PKIB: variants seen among roughly 807,000 people sequenced by gnomAD.
The protein encoded by PKIB is PKI-beta.
Under a neutral mutation model 4.5 loss-of-function variants are expected in PKIB, and 2 were observed. That is an observed-to-expected ratio of 0.44 (90% confidence interval 0.18 to 1.39). The LOEUF is 1.39. Ranked by LOEUF, PKIB falls within the 40% of genes most tolerant of loss-of-function variation. The pLI is 0.27. For synonymous variants in PKIB, 38 were observed against 36.0 expected (o/e 1.06, Z -0.20); for missense variants, 94 against 92.6 (o/e 1.02, Z -0.06).
intron 2 of PKIB, among the ~76,000 whole-genome samples, chr6:122,662,875 A>AGCT (rs1338531391): frequency 6.6e-6 from 1 of 152,218 alleles, no homozygotes; most frequent in Non-Finnish European, 1.5e-5. Flanking sequence ...GTCTGATTCT[A>AGCT]GCTGCTGTTT....
intron 1 of PKIB, among the ~76,000 whole-genome samples, chr6:122,630,687 A>AT (rs1198990894): frequency 1.3e-5 from 2 of 152,206 alleles, no homozygotes; most frequent in African/African-American, 4.8e-5. Context: ...TTTAACTATA[A>AT]TTTTTAAAAA....
upstream of PKIB, among the ~76,000 whole-genome samples, chr6:122,608,168 TG>T (rs1436200654): frequency 2.0e-5 from 3 of 152,350 alleles, no homozygotes; most frequent in Middle Eastern, 3.4e-3. Context: ...CTCTCTCATT[TG>T]ATGTGGATTT....
intron 2 of PKIB, among the ~76,000 whole-genome samples, chr6:122,506,590 T>C (rs1420478630): frequency 2.0e-5 from 3 of 152,156 alleles, no homozygotes; most frequent in Non-Finnish European, 4.4e-5. Flanking sequence ...GTCATGTATT[T>C]ATTATTTTGA....
intron 3 of PKIB, among the ~76,000 whole-genome samples, chr6:122,679,909 G>A (rs1319687239): frequency 6.6e-6 from 1 of 152,174 alleles, no homozygotes; most frequent in African/African-American, 2.4e-5. Context: ...CTTGTATAAG[G>A]TCCCTTAGAT....
chr6:122,554,353 A>C (rs967316168), intron 2 of PKIB, among the ~76,000 whole-genome samples: 2 of 152,230 alleles, frequency 1.3e-5, no homozygotes, highest in African/African-American at 4.8e-5. Context: ...TGTGTTAATT[A>C]GCTTTCTATT....
At chr6:122,511,314 G>A (rs751978883) in intron 2 of PKIB, among the ~76,000 whole-genome samples, 33 of 152,210 alleles carry the variant, frequency 2.2e-4, no homozygotes, top group African/African-American at 6.5e-4. Context: ...AAGATTTTCC[G>A]TATCAACTTT....
chr6:122,717,177 A>G (rs1474693752), intron 3 of PKIB, among the ~76,000 whole-genome samples: 3 of 144,458 alleles, frequency 2.1e-5, no homozygotes, highest in African/African-American at 7.8e-5. Flanking sequence ...TTACCATGTC[A>G]ACCTGAAGGT....
At chr6:122,683,827 A>G (rs1247854663) in intron 3 of PKIB, among the ~76,000 whole-genome samples, 1 of 152,164 alleles carries the variant, frequency 6.6e-6, no homozygotes, top group Non-Finnish European at 1.5e-5. Flanking sequence ...CTAAACTAAC[A>G]ATAAGGCTAT....
At chr6:122,646,169 C>A (rs1390216325) in intron 2 of PKIB, among the ~76,000 whole-genome samples, 1 of 152,094 alleles carries the variant, frequency 6.6e-6, no homozygotes, top group Non-Finnish European at 1.5e-5. Flanking sequence ...GGAAGTAGAT[C>A]TTTGTTTTTG....
At chr6:122,717,729 T>C (rs1779555607) in intron 3 of PKIB, 58 bp from the exon 4 acceptor site, 7 of 1,555,212 alleles carry the variant, frequency 4.5e-6, no homozygotes, top group Non-Finnish European at 6.2e-6. Flanking sequence ...TCAACCACTG[T>C]GGTGAACATT....
chr6:122,638,812 A>C (rs1381026945), intron 2 of PKIB, among the ~76,000 whole-genome samples: 2 of 152,150 alleles, frequency 1.3e-5, no homozygotes, highest in African/African-American at 4.8e-5. Context: ...CCTTCCTATA[A>C]GAACTTTTAG....
At chr6:122,696,123 G>A (rs1204510663) in intron 3 of PKIB, among the ~76,000 whole-genome samples, 1 of 152,280 alleles carries the variant, frequency 6.6e-6, no homozygotes, top group East Asian at 1.9e-4. Context: ...TTAAGTTTCT[G>A]TTTTTTAAAA....
intron 3 of PKIB, among the ~76,000 whole-genome samples, chr6:122,693,281 A>G (rs185822784): frequency 2.0e-5 from 3 of 152,288 alleles, no homozygotes; most frequent in Non-Finnish European, 2.9e-5. Flanking sequence ...TTGACTTTCA[A>G]TGTTTCCATA....
chr6:122,580,538 A>G (rs1246720578), intron 2 of PKIB, among the ~76,000 whole-genome samples: 2 of 152,112 alleles, frequency 1.3e-5, no homozygotes, highest in East Asian at 1.9e-4. Flanking sequence ...TTAGCATAAT[A>G]TTAAAGTGAA....
intron 2 of PKIB, among the ~76,000 whole-genome samples, chr6:122,486,587 T>A (rs914903132): frequency 6.6e-5 from 10 of 152,234 alleles, no homozygotes; most frequent in Admixed American, 5.9e-4. Context: ...TGTATGATTT[T>A]TTTTCTTTAT....
intron 2 of PKIB, among the ~76,000 whole-genome samples, chr6:122,558,758 TA>T (rs1772924610): frequency 6.6e-6 from 1 of 152,146 alleles, no homozygotes; most frequent in South Asian, 2.1e-4. Flanking sequence ...GATTAATATA[TA>T]TTTTTTCCAT....
At chr6:122,472,629 A>G (rs1775337200) in intron 1 of PKIB, among the ~76,000 whole-genome samples, 2 of 152,286 alleles carry the variant, frequency 1.3e-5, no homozygotes, top group African/African-American at 4.8e-5. Flanking sequence ...TCCCATAACT[A>G]ATAATAAGAA....
chr6:122,489,956 CT>C (rs1484823186), intron 2 of PKIB, among the ~76,000 whole-genome samples: 1 of 152,134 alleles, frequency 6.6e-6, no homozygotes, highest in Non-Finnish European at 1.5e-5. Flanking sequence ...ACCAGGGATT[CT>C]TGTTTTCACT....
intron 2 of PKIB, among the ~76,000 whole-genome samples, chr6:122,522,935 A>C (rs953228525): frequency 5.9e-5 from 9 of 152,160 alleles, no homozygotes; most frequent in African/African-American, 2.2e-4. Flanking sequence ...AATTGAATAC[A>C]TTTAATAATT....
Sources: allele counts gnomAD v4.1 joint callset (sites outside exome capture counted in the v4.1 genomes callset), GRCh38; gene constraint gnomAD v4.1.1; transcripts MANE v1.5; gene names NCBI Gene and HGNC (gene_info 2026-07-23, HGNC 2026-07-21).